The following PFKFB3 variants were observed in gnomAD, a reference collection of about 807,000 sequenced individuals.
The protein encoded by PFKFB3 is 6-phosphofructo-2-kinase/fructose-2,6-biphosphatase 3.
PFKFB3 carries 33 observed loss-of-function variants against 68.0 expected under a neutral mutation model. That is an observed-to-expected ratio of 0.49 (90% CI 0.37 to 0.65). PFKFB3 has a LOEUF of 0.65. PFKFB3 is among the 30% of genes least tolerant of loss of function. The probability of loss-of-function intolerance (pLI) is 0.00; values close to 1 mark genes in which losing one functional copy is unlikely to be tolerated. For missense variants in PFKFB3, 586 were observed against 712.2 expected (o/e 0.82, Z 2.02); for synonymous variants, 315 against 288.2 (o/e 1.09, Z -0.94).
chr10:6,204,007 T>G (rs1843516583), intron 1 of PFKFB3, among the ~76,000 whole-genome samples: 1 of 152,182 alleles, frequency 6.6e-6, no homozygotes. Flanking sequence ...TGTCCCCGGC[T>G]TTGGGGAGGG....
upstream of PFKFB3, among the ~76,000 whole-genome samples, chr10:6,200,769 C>G (rs1052230303): frequency 2.0e-5 from 3 of 151,750 alleles, no homozygotes; most frequent in Admixed American, 6.6e-5. Context: ...CATAGTCTTC[C>G]CTCTAGACTC....
the PFKFB3 span, among the ~76,000 whole-genome samples, chr10:6,292,079 G>A: frequency 6.8e-6 from 1 of 146,302 alleles, no homozygotes; most frequent in East Asian, 2.1e-4. Context: ...TCAGCCTCCC[G>A]AGTAGCTGGG....
chr10:6,286,523 G>A, the PFKFB3 span, among the ~76,000 whole-genome samples: 372 of 152,144 alleles, frequency 2.4e-3, 19 homozygotes, highest in South Asian at 0.074. Context: ...GATTACAGGC[G>A]TAGGCCACCG....
intron 1 of PFKFB3, among the ~76,000 whole-genome samples, chr10:6,179,796 C>G (rs888981688): frequency 6.6e-6 from 1 of 152,140 alleles, no homozygotes; most frequent in Non-Finnish European, 1.5e-5. Context: ...GCACAGAAAC[C>G]ACGAGAGCCC....
chr10:6,218,896 T>C (rs1179090153), intron 6 of PFKFB3, among the ~76,000 whole-genome samples: 1 of 152,246 alleles, frequency 6.6e-6, no homozygotes, highest in African/African-American at 2.4e-5. Context: ...AGTGGCTGCC[T>C]CTCAGTGACG....
chr10:6,158,632 T>G (rs149426686), intron 1 of PFKFB3, among the ~76,000 whole-genome samples: 1,645 of 152,128 alleles, frequency 0.011, 68 homozygotes, highest in East Asian at 0.099. Flanking sequence ...TTGGGAGGCC[T>G]AGGCAGGCGG....
At chr10:6,172,061 A>ACCGGTGT (rs1159083791) in intron 1 of PFKFB3, among the ~76,000 whole-genome samples, 102 of 152,280 alleles carry the variant, frequency 6.7e-4, no homozygotes, top group Middle Eastern at 6.8e-3. Flanking sequence ...CCCGAAAACC[A>ACCGGTGT]CCGGTGTCCG....
At chr10:6,216,223 C>G in intron 4 of PFKFB3, 32 bp downstream of exon 4, 1 of 1,590,504 alleles carries the variant, frequency 6.3e-7, no homozygotes. Context: ...GGCTCGGTGT[C>G]CAGTCCCACC....
chr10:6,300,976 G>T, the PFKFB3 span, among the ~76,000 whole-genome samples: 3 of 152,182 alleles, frequency 2.0e-5, no homozygotes, highest in Admixed American at 1.3e-4. Flanking sequence ...CCAGCAAGGT[G>T]GGAGGACACC....
At chr10:6,219,804 A>G (rs1844829307) in intron 7 of PFKFB3, 111 bp downstream of exon 7, 1 of 1,226,268 alleles carries the variant, frequency 8.2e-7, no homozygotes, top group East Asian at 2.4e-5. Context: ...AATTTTTTTA[A>G]GACAGTTTTT....
At chr10:6,188,926 C>A in intron 1 of PFKFB3, among the ~76,000 whole-genome samples, 1 of 150,748 alleles carries the variant, frequency 6.6e-6, no homozygotes, top group East Asian at 2.0e-4. Flanking sequence ...GCTCCGCCTC[C>A]CAGGTTCACG....
intron 1 of PFKFB3, among the ~76,000 whole-genome samples, chr10:6,165,394 G>C (rs1343537778): frequency 6.6e-6 from 1 of 152,150 alleles, no homozygotes; most frequent in African/African-American, 2.4e-5. Context: ...GATCAAAATG[G>C]AGTTTCTTGC....
chr10:6,214,563 T>C (rs1168999394), intron 2 of PFKFB3, among the ~76,000 whole-genome samples: 1 of 152,116 alleles, frequency 6.6e-6, no homozygotes, highest in Admixed American at 6.6e-5. Context: ...TACATGTGCA[T>C]GTTTGTTACC....
chr10:6,180,308 G>C (rs1258429795), intron 1 of PFKFB3, among the ~76,000 whole-genome samples: 1 of 152,146 alleles, frequency 6.6e-6, no homozygotes, highest in Non-Finnish European at 1.5e-5. Context: ...GATTGAGGGG[G>C]ACCATGTAAT....
chr10:6,222,849 G>T lies in PFKFB3; in HGVS notation c.1084-6G>T. ...AGCTCACGTGGGCCCGGCCCTCTGT[G>T]CTCAGTCCTACCAGGACCTGGTCCA... On this transcript the variant is annotated splice_region_variant and splice_polypyrimidine_tract_variant and intron_variant, in intron 10 of 14. Transcript: ENST00000379775. The T allele has an allele frequency of 6.2e-7, 1 of 1,611,964 alleles. No individual in the cohort carries two copies. The highest frequency in any genetic ancestry group is 2.2e-5 in the East Asian group (1 of 44,814).
At chr10:6,199,644 C>T (rs1470782955), upstream of PFKFB3, among the ~76,000 whole-genome samples, 3 of 142,416 alleles carry the variant, frequency 2.1e-5, no homozygotes, top group Admixed American at 2.1e-4. Flanking sequence ...GCCACCATGC[C>T]CAGCTATTTT....
chr10:6,145,084 C>G, intron 1 of PFKFB3: 2 of 1,220,012 alleles, frequency 1.6e-6, no homozygotes, highest in South Asian at 2.4e-5. Context: ...TGTGGGTACC[C>G]GAGCCTTGGG....
At chr10:6,313,602 C>A in the PFKFB3 span, among the ~76,000 whole-genome samples, 3 of 152,152 alleles carry the variant, frequency 2.0e-5, no homozygotes, top group Non-Finnish European at 4.4e-5. This position sits in a 1 kb window ranked among gnomAD's most constrained non-coding sequence, Gnocchi z 4.2. Context: ...TCCCTTCTTG[C>A]CTTTGTGCAT....
the PFKFB3 span, among the ~76,000 whole-genome samples, chr10:6,262,324 G>T: frequency 6.7e-6 from 1 of 150,362 alleles, no homozygotes; most frequent in Non-Finnish European, 1.5e-5. Flanking sequence ...TGGGGTGGGG[G>T]GTGCCTGTAG....
Sources: gnomAD v4.1 joint callset for allele counts (sites outside exome capture counted in the v4.1 genomes callset) on GRCh38, gnomAD v4.1.1 for gene constraint, Gnocchi (gnomAD v3.1) non-coding constraint, MANE v1.5 for transcripts, NCBI Gene and HGNC (gene_info 2026-07-23, HGNC 2026-07-21) for gene names.